Variants in SDHAF2 observed in about 807,000 individuals in gnomAD.
SDHAF2 encodes succinate dehydrogenase complex assembly factor 2.
SDHAF2 carries 21 observed loss-of-function variants against 18.5 expected under a neutral mutation model. That is an observed-to-expected ratio of 1.13 (90% CI 0.80 to 1.63). The LOEUF is 1.63. SDHAF2 is among the 40% of genes most tolerant of loss of function. The pLI is 0.00. For missense variants in SDHAF2, 195 were observed against 200.3 expected, an observed-to-expected ratio of 0.97 and a Z score of 0.16; for synonymous variants, 84 against 70.7, an observed-to-expected ratio of 1.19 and a Z score of -0.94.
intron 3 of SDHAF2, chr11:61,438,314 C>G (rs1209746639): frequency 1.6e-6 from 1 of 626,016 alleles, no homozygotes; most frequent in East Asian, 2.7e-5. Context: ...ATTCTCCAGC[C>G]TCAGCCTCCT....
At position 61,438,291 on chromosome 11, in the gene SDHAF2, C is replaced by T. The variant is rs545795943; in HGVS notation, c.370+178C>T. The T allele has an allele frequency of 1.5e-4, 98 of 649,842 alleles. No individual in the cohort carries two copies. In the African/African-American group the frequency reaches 1.6e-3, roughly 11 times the overall value. 40.3% of individuals were successfully genotyped at this position (649,842 alleles called of 1,614,324 possible). On this transcript the variant is annotated intron_variant, in intron 3 of 3. Coordinates refer to ENST00000301761, the MANE Select transcript of SDHAF2 (RefSeq NM_017841.4). ...CTCGGCTCACTGCAACCTCTACCTTCCAGGTTCAAGCGATTCTCCAGCCTC... is the reference window on the plus strand; with the variant it reads ...CTCGGCTCACTGCAACCTCTACCTTTCAGGTTCAAGCGATTCTCCAGCCTC...
chr11:61,446,108 T>C lies in SDHAF2; in HGVS notation c.*37T>C. 1 of 1,613,576 alleles carries C rather than the reference T, an allele frequency of 6.2e-7. No individual in the cohort carries two copies. On this transcript the variant is annotated 3_prime_UTR_variant, in exon 4 of 4. Coordinates refer to ENST00000301761, the MANE Select transcript of SDHAF2 (RefSeq NM_017841.4). ...CGGCCTGGCATGGGGGTTCAGTCTG[T>C]GGATGGTAACTACTTATGATGGACG...
intron 3 of SDHAF2, among the ~76,000 whole-genome samples, chr11:61,439,055 A>C (rs542135865): frequency 7.2e-5 from 11 of 152,242 alleles, no homozygotes; most frequent in African/African-American, 2.6e-4. Flanking sequence ...AAAAAAAAAA[A>C]GTTTCATTCA....
intron 3 of SDHAF2, among the ~76,000 whole-genome samples, chr11:61,440,880 CA>C (rs1476346723): frequency 1.3e-5 from 2 of 152,110 alleles, no homozygotes; most frequent in African/African-American, 2.4e-5. Context: ...ATGAAATATA[CA>C]TTTGATTTTT....
At chr11:61,445,664 G>T (rs1862128590) in intron 3 of SDHAF2, among the ~76,000 whole-genome samples, 1 of 152,212 alleles carries the variant, frequency 6.6e-6, no homozygotes. Flanking sequence ...TATGGTCTCT[G>T]TTGCAAGTAC....
At position 61,437,620 on chromosome 11, in the gene SDHAF2, T is replaced by A. The variant is rs961480695; in HGVS notation, c.37-5T>A. On this transcript the variant is annotated splice_region_variant and splice_polypyrimidine_tract_variant and intron_variant, in intron 1 of 3. Coordinates refer to ENST00000301761, the MANE Select transcript of SDHAF2 (RefSeq NM_017841.4). ...GTAAAGATGTTTGTGGTTTGTTCATTTCAGATGCTTGCTCTGTCAAGGCAC... is the reference window on the plus strand; with the variant it reads ...GTAAAGATGTTTGTGGTTTGTTCATATCAGATGCTTGCTCTGTCAAGGCAC... 6.2e-7 allele frequency: 1 copy of A among 1,611,950 alleles called. No individual in the cohort carries two copies. Among genetic ancestry groups the A allele is most frequent in the Non-Finnish European group, 8.5e-7 (1 of 1,178,082 alleles).
In SDHAF2 at chr11:61,430,148, TGGC is replaced by T; in HGVS notation, c.5_7del (p.Ala2?). The T allele has an allele frequency of 6.2e-7, 1 of 1,614,136 alleles. No homozygotes were observed. The highest frequency in any genetic ancestry group is 8.5e-7 in the Non-Finnish European group (1 of 1,180,014). ...CGGTTTCCGGTGCAGGTGGGGAAAA[TGGC>T]GGTGTCTACAGTGTTCTCGACTTCG... On this transcript the variant is annotated start_lost and inframe_deletion, in exon 1 of 4. Transcript: ENST00000301761.
chr11:61,446,608 A>T lies in SDHAF2; in HGVS notation c.*537A>T. The T allele has an allele frequency of 7.0e-6, 3 of 430,458 alleles. No individual in the cohort carries two copies. The highest frequency in any genetic ancestry group is 1.2e-5 in the Non-Finnish European group (3 of 243,756). 26.7% of individuals were successfully genotyped at this position (430,458 alleles called of 1,614,324 possible). ...CTTCAAAGGCACAGCAGGCAGAATG[A>T]GGGCCACAGGCAGGAGTGGTGTGGG... On this transcript the variant is annotated 3_prime_UTR_variant, in exon 4 of 4. Transcript: ENST00000301761.
At chr11:61,432,254 A>C (rs1861942657) in intron 1 of SDHAF2, 1 of 152,154 alleles carries the variant, frequency 6.6e-6, no homozygotes. Flanking sequence ...CTTGTCTCAA[A>C]AAATAAATAA....
chr11:61,443,549 T>C (rs1862095801), intron 3 of SDHAF2, among the ~76,000 whole-genome samples: 1 of 152,218 alleles, frequency 6.6e-6, no homozygotes, highest in Non-Finnish European at 1.5e-5. Flanking sequence ...AGTCAGTGAG[T>C]TGGGAGGTAA....
intron 3 of SDHAF2, among the ~76,000 whole-genome samples, chr11:61,440,257 A>C (rs936425259): frequency 2.0e-5 from 3 of 152,128 alleles, no homozygotes; most frequent in Non-Finnish European, 4.4e-5. Flanking sequence ...GTGAGCCAAG[A>C]TCACGCCACT....
Position 61,437,714 on chromosome 11 carries a change from T to C in SDHAF2, c.126T>C (p.Asp42=), listed in dbSNP as rs1590764790. The C allele has an allele frequency of 6.2e-7, 1 of 1,614,218 alleles. No homozygotes were observed. The highest frequency in any genetic ancestry group is 8.5e-7 in the Non-Finnish European group (1 of 1,180,034). Residue 42 remains aspartate (D), a synonymous_variant, in exon 2 of 4, where the codon GAT becomes GAC. Transcript: ENST00000301761. Reference sequence around the variant, plus strand: ...TCTACAGAGGTGACAGCCCAACAGATTCCCAAAAGGACATGATTGAAATCC... The same window carrying C: ...TCTACAGAGGTGACAGCCCAACAGACTCCCAAAAGGACATGATTGAAATCC... ...RRFYRGDSPT[D]SQKDMIEIPL...
chr11:61,436,729 G>C (rs1370631025), intron 1 of SDHAF2: 6 of 482,384 alleles, frequency 1.2e-5, no homozygotes, highest in Non-Finnish European at 2.3e-5. Flanking sequence ...TGGGGAGCAG[G>C]AGCCTCTTAC....
At chr11:61,436,976 A>G (rs1565128288) in intron 1 of SDHAF2, 5 of 1,206,740 alleles carry the variant, frequency 4.1e-6, no homozygotes, top group Non-Finnish European at 5.3e-6. Context: ...TGAGTAGAGT[A>G]TAAACCACAC....
Position 61,436,703 on chromosome 11 carries a change from T to C in SDHAF2, c.37-922T>C, listed in dbSNP as rs528607370. On this transcript the variant is annotated intron_variant, in intron 1 of 3. Coordinates refer to ENST00000301761, the MANE Select transcript of SDHAF2 (RefSeq NM_017841.4). ...ATTTTTCTGCTGGATTCGATGCAGC[T>C]GGTTTTGTGCTCACCTGGGGAGCAG... 6 of 401,390 alleles carry C rather than the reference T, an allele frequency of 1.5e-5. No individual in the cohort carries two copies. In the Admixed American group the frequency reaches 1.9e-4, roughly 13 times the overall value. 24.9% of individuals were successfully genotyped at this position (401,390 alleles called of 1,614,324 possible).
At position 61,446,297 on chromosome 11, in the gene SDHAF2, T is replaced by C; in HGVS notation, c.*226T>C. On this transcript the variant is annotated 3_prime_UTR_variant, in exon 4 of 4. Transcript: ENST00000301761. ...AGCTCTGAGCCTCAAAAGTGATTTG[T>C]CAGCAGCGCTGGCATGCAGGCTTTG... 3.2e-6 allele frequency: 2 copies of C among 620,568 alleles called. No homozygotes were observed. Among genetic ancestry groups the C allele is most frequent in the Non-Finnish European group, 5.7e-6 (2 of 348,376 alleles). 38.4% of individuals were successfully genotyped at this position (620,568 alleles called of 1,614,324 possible). A position where few individuals can be genotyped will look rare whatever the true frequency, so the allele number is the denominator to read the frequency against.
chr11:61,444,671 A>G (rs1862116419), intron 3 of SDHAF2, among the ~76,000 whole-genome samples: 3 of 152,106 alleles, frequency 2.0e-5, no homozygotes, highest in Non-Finnish European at 4.4e-5. Flanking sequence ...TGAGCCCAGG[A>G]GGTGGAGCTT....
chr11:61,439,826 G>C (rs148502867), intron 3 of SDHAF2, among the ~76,000 whole-genome samples: 139 of 152,262 alleles, frequency 9.1e-4, no homozygotes, highest in African/African-American at 3.2e-3. Flanking sequence ...ATGTACCATG[G>C]TCTGTTCATC....
At chr11:61,430,493 A>T (rs1861860144) in intron 1 of SDHAF2, 1 of 516,504 alleles carries the variant, frequency 1.9e-6, no homozygotes, top group Admixed American at 3.6e-5. Context: ...CCCGTTCTTT[A>T]GTCTTTAATG....
Sources: allele counts gnomAD v4.1 joint callset (sites outside exome capture counted in the v4.1 genomes callset), GRCh38; gene constraint gnomAD v4.1.1; transcripts MANE v1.5; gene names NCBI Gene and HGNC (gene_info 2026-07-23, HGNC 2026-07-21).